Variants in CENPE observed in about 807,000 individuals in gnomAD.
The protein encoded by CENPE is centromere protein E.
CENPE carries 145 observed loss-of-function variants against 336.1 expected under a neutral mutation model. The ratio of observed to expected loss-of-function variants is 0.43; its 90% CI spans 0.38 to 0.50. The LOEUF is 0.50. Among genes scored for constraint, CENPE ranks in the 20% least tolerant of loss-of-function variants. The probability of loss-of-function intolerance (pLI) is 0.00; values close to 1 mark genes in which losing one functional copy is unlikely to be tolerated. For synonymous variants in CENPE, 1,013 were observed against 984.8 expected (o/e 1.03, Z -0.54); for missense variants, 2,719 against 3,023.3 (o/e 0.90, Z 2.36).
At chr4:103,124,453 G>A (rs866545252) in intron 42 of CENPE, among the ~76,000 whole-genome samples, 4 of 152,096 alleles carry the variant, frequency 2.6e-5, no homozygotes, top group Admixed American at 2.0e-4. Context: ...GAATTATCCA[G>A]GTTAAAATCA....
Position 103,106,135 on chromosome 4 carries a change from A to G in CENPE, c.*87T>C. On this transcript the variant is annotated 3_prime_UTR_variant, in exon 49 of 49. Coordinates refer to ENST00000265148, the MANE Select transcript of CENPE (RefSeq NM_001813.3). ...GACTGAATTGAAATTAAGCTGCACT[A>G]CAACATCATTACCAGGGATAGACAC... The G allele has an allele frequency of 1.2e-6, 1 of 805,374 alleles. No homozygotes were observed. Among genetic ancestry groups the G allele is most frequent in the Admixed American group, 3.1e-5 (1 of 32,324 alleles). The allele number at this position is 805,374 out of a possible 1,614,324, so 49.9% of individuals were successfully genotyped here. A position where few individuals can be genotyped will look rare whatever the true frequency, so the allele number is the denominator to read the frequency against.
chr4:103,145,904 G>C lies in CENPE; in HGVS notation c.4338C>G (p.Asp1446Glu). 2 of 1,613,644 alleles carry C rather than the reference G, an allele frequency of 1.2e-6. No individual in the cohort carries two copies. The highest frequency in any genetic ancestry group is 8.5e-7 in the Non-Finnish European group (1 of 1,179,790). Residue 1446 changes from aspartate (D) to glutamate (E), a missense_variant, in exon 30 of 49, where the codon GAC (aspartate) becomes GAG (glutamate). Physicochemically the swap from Asp to Glu is conservative, Grantham distance 45. Coordinates refer to ENST00000265148, the MANE Select transcript of CENPE (RefSeq NM_001813.3). ...GAAGAACTTCTTGCAGCCTCTGTAGGTCATCTTTCTCCTTAGCTACAGATT... is the reference window on the plus strand; with the variant it reads ...GAAGAACTTCTTGCAGCCTCTGTAGCTCATCTTTCTCCTTAGCTACAGATT... ...EMKSVAKEKDDLQRLQEVLQS... is the reference protein window; with the variant it reads ...EMKSVAKEKDELQRLQEVLQS...
At chr4:103,124,115 A>C (rs1241602812) in intron 42 of CENPE, among the ~76,000 whole-genome samples, 1 of 152,206 alleles carries the variant, frequency 6.6e-6, no homozygotes, top group Non-Finnish European at 1.5e-5. Flanking sequence ...ATGGATGTAT[A>C]GAAAAAACAG....
In CENPE at chr4:103,145,299, A is replaced by G. The variant is rs1239673340; in HGVS notation, c.4608T>C (p.Asn1536=). Residue 1536 remains asparagine, a synonymous_variant, in exon 32 of 49, where the codon AAT becomes AAC. Coordinates refer to ENST00000265148, the MANE Select transcript of CENPE (RefSeq NM_001813.3). ...QEIYEKEEQF[N]IKQISEVQEK... ...CCTGAACCTCACTAATTTGTTTTAT[A>G]TTAAATTGTTCCTCTTTCTCATAAA... 1.3e-6 allele frequency: 2 copies of G among 1,589,474 alleles called. No individual in the cohort carries two copies. The highest frequency in any genetic ancestry group is 2.3e-5 in the South Asian group (2 of 88,618).
intron 8 of CENPE, among the ~76,000 whole-genome samples, chr4:103,186,337 A>G (rs1756767427): frequency 6.6e-6 from 1 of 151,706 alleles, no homozygotes; most frequent in Non-Finnish European, 1.5e-5. Context: ...TTATCTCCTC[A>G]GCATAGCTTT....
intron 20 of CENPE, 112 bp downstream of exon 20, chr4:103,160,974 A>G: frequency 9.6e-7 from 1 of 1,044,830 alleles, no homozygotes; most frequent in Non-Finnish European, 1.3e-6. Context: ...TGAGTTTTTA[A>G]AAAGTCAGAG....
Position 103,140,862 on chromosome 4 carries a change from T to C in CENPE, c.5706A>G (p.Lys1902=). 4 of 1,607,468 alleles carry C rather than the reference T, an allele frequency of 2.5e-6. No homozygotes were observed. Among genetic ancestry groups the C allele is most frequent in the South Asian group, 2.2e-5 (2 of 89,286 alleles). ...DNLRRVEETL[K]LERDQLKESL... ...TTTCCTTGAGTTGGTCTCTCTCCAG[T>C]TTGAGTGTCTCCTCTACTCTTCTTA... The change falls in exon 36 of 49, where the codon AAA becomes AAG. Residue 1902 remains lysine (K), a synonymous_variant. Transcript: ENST00000265148.
At chr4:103,135,899 A>G (rs1752026439) in intron 40 of CENPE, among the ~76,000 whole-genome samples, 1 of 152,206 alleles carries the variant, frequency 6.6e-6, no homozygotes. Flanking sequence ...ACCCCAGACT[A>G]TGAGATCTTT....
At chr4:103,123,476 C>T (rs1750825275) in intron 42 of CENPE, among the ~76,000 whole-genome samples, 1 of 151,974 alleles carries the variant, frequency 6.6e-6, no homozygotes, top group South Asian at 2.1e-4. Context: ...GATATGCCAC[C>T]GTGAAGCTGT....
intron 48 of CENPE, among the ~76,000 whole-genome samples, chr4:103,106,860 A>C (rs1373773252): frequency 6.6e-6 from 1 of 152,092 alleles, no homozygotes; most frequent in Non-Finnish European, 1.5e-5. Context: ...AAAAGTAAAA[A>C]CTCACATTTA....
At chr4:103,153,016 G>C in intron 25 of CENPE, 31 bp downstream of exon 25, 1 of 1,465,762 alleles carries the variant, frequency 6.8e-7, no homozygotes, top group East Asian at 2.3e-5. Flanking sequence ...AGACAAAAAG[G>C]TAATGCCAAG....
Position 103,191,754 on chromosome 4 carries a change from G to A in CENPE, c.693+2475C>T, listed in dbSNP as rs186867890. On this transcript the variant is annotated intron_variant, in intron 8 of 48. Coordinates refer to ENST00000265148, the MANE Select transcript of CENPE (RefSeq NM_001813.3). ...GCACATGTATACATATGTAACAAAC[G>A]TGCATGTTGTGCACATGTACCCTAA... Among the ~76,000 whole-genome samples the A allele has an allele frequency of 4.0e-3, 602 of 151,824 alleles. 1 individual carries two copies. Among genetic ancestry groups the A allele is most frequent in the African/African-American group, 0.013 (546 of 41,370 alleles).
chr4:103,131,221 C>G (rs1751564596), intron 42 of CENPE, among the ~76,000 whole-genome samples: 1 of 152,086 alleles, frequency 6.6e-6, no homozygotes, highest in South Asian at 2.1e-4. Context: ...TCAAAGTATA[C>G]AAACAATTCT....
intron 10 of CENPE, 22 bp downstream of exon 10, chr4:103,183,179 G>C (rs1756470993): frequency 6.4e-7 from 1 of 1,558,770 alleles, no homozygotes; most frequent in African/African-American, 1.4e-5. Flanking sequence ...CAGTAGGTAA[G>C]TGCACAACGG....
chr4:103,107,626 A>C (rs1335523530), intron 48 of CENPE, among the ~76,000 whole-genome samples: 1 of 152,032 alleles, frequency 6.6e-6, no homozygotes, highest in Non-Finnish European at 1.5e-5. Flanking sequence ...AAGTCCCCCC[A>C]CTTCTGTGGA....
At chr4:103,129,607 G>A (rs550788796) in intron 42 of CENPE, among the ~76,000 whole-genome samples, 20 of 152,104 alleles carry the variant, frequency 1.3e-4, no homozygotes, top group East Asian at 9.7e-4. Flanking sequence ...GTGGTGGTGC[G>A]TGTGTGTAAT....
intron 25 of CENPE, among the ~76,000 whole-genome samples, chr4:103,152,150 A>C (rs1025583258): frequency 1.3e-5 from 2 of 152,132 alleles, no homozygotes; most frequent in Non-Finnish European, 2.9e-5. Flanking sequence ...AAAAAAGAGA[A>C]ACATTTAGGA....
At chr4:103,193,673 A>G (rs901678105) in intron 8 of CENPE, among the ~76,000 whole-genome samples, 4 of 152,256 alleles carry the variant, frequency 2.6e-5, no homozygotes, top group African/African-American at 9.6e-5. Flanking sequence ...TATATTAGAC[A>G]TAAAATAGGT....
Position 103,151,334 on chromosome 4 carries a change from A to G in CENPE, c.3281T>C (p.Leu1094Pro). The change falls in exon 26 of 49, where the codon CTT becomes CCT. Residue 1094 changes from leucine to proline, a missense_variant. Physicochemically the swap from Leu to Pro is moderately conservative, Grantham distance 98. This residue lies in a region of CENPE where 2,437 missense variants were observed against 2,513.3 expected (regional missense o/e 0.97). Coordinates refer to ENST00000265148, the MANE Select transcript of CENPE (RefSeq NM_001813.3). ...TGCAACTATCTCTTGTTGCTTTTTA[A>G]GTTCATCCCCAAGAAGTCTTAATTC... is the stretch of plus-strand genomic sequence containing the variant. ...QEELRLLGDELKKQQEIVAQE... is the reference protein window; with the variant it reads ...QEELRLLGDEPKKQQEIVAQE... The G allele has an allele frequency of 6.3e-7, 1 of 1,599,568 alleles. No homozygotes were observed. Among genetic ancestry groups the G allele is most frequent in the Non-Finnish European group, 8.5e-7 (1 of 1,176,970 alleles).
Sources: allele counts gnomAD v4.1 joint callset (sites outside exome capture counted in the v4.1 genomes callset), GRCh38; gene constraint gnomAD v4.1.1; regional missense constraint gnomAD v4.1.1; transcripts MANE v1.5; gene names NCBI Gene and HGNC (gene_info 2026-07-23, HGNC 2026-07-21).